Variants in TRPM3 observed in about 807,000 individuals in gnomAD.
TRPM3 encodes long transient receptor potential channel 3.
TRPM3 carries 77 observed loss-of-function variants against 181.2 expected under a neutral mutation model. The observed-to-expected ratio is 0.42, with a 90% CI of 0.35 to 0.51. The LOEUF (loss-of-function observed/expected upper bound fraction) is 0.51, where lower values mean the gene tolerates loss of function less well. Ranked by LOEUF, TRPM3 falls within the 20% of genes least tolerant of loss-of-function variation. The probability of loss-of-function intolerance (pLI) is 0.01; values close to 1 mark genes in which losing one functional copy is unlikely to be tolerated. For synonymous variants in TRPM3, 745 were observed against 796.4 expected (o/e 0.94, Z 1.09); for missense variants, 1,759 against 2,196.7 (o/e 0.80, Z 3.98).
At chr9:70,953,176 A>G (rs950170693) in intron 1 of TRPM3, among the ~76,000 whole-genome samples, 2 of 152,214 alleles carry the variant, frequency 1.3e-5, no homozygotes, top group African/African-American at 2.4e-5. Flanking sequence ...TTCTTTCCCC[A>G]TAGTGGAGAG....
intron 1 of TRPM3, among the ~76,000 whole-genome samples, chr9:71,402,578 T>C (rs1385903745): frequency 6.6e-6 from 1 of 152,224 alleles, no homozygotes; most frequent in African/African-American, 2.4e-5. Flanking sequence ...CTTTCTTTCC[T>C]ACATCACTAA....
intron 1 of TRPM3, among the ~76,000 whole-genome samples, chr9:70,907,246 C>A (rs919543518): frequency 2.0e-4 from 30 of 152,128 alleles, no homozygotes; most frequent in African/African-American, 6.0e-4. Flanking sequence ...ATTAGAGTCA[C>A]CCCATGTGCA....
chr9:71,070,000 A>T (rs2062521716), intron 1 of TRPM3, among the ~76,000 whole-genome samples: 1 of 152,210 alleles, frequency 6.6e-6, no homozygotes, highest in Non-Finnish European at 1.5e-5. Context: ...CCACCAGTCT[A>T]ATACTTTAAT....
chr9:71,299,453 A>G (rs11142793), intron 1 of TRPM3, among the ~76,000 whole-genome samples: 35,641 of 151,516 alleles, frequency 0.24, 4,983 homozygotes, highest in African/African-American at 0.39. Context: ...AGAAAGGAAA[A>G]AGAAAAAATA....
At chr9:70,894,153 A>T (rs2096250486) in intron 1 of TRPM3, among the ~76,000 whole-genome samples, 1 of 152,230 alleles carries the variant, frequency 6.6e-6, no homozygotes, top group African/African-American at 2.4e-5. Context: ...TTGTTGAGCT[A>T]CAAAGATGCA....
intron 1 of TRPM3, among the ~76,000 whole-genome samples, chr9:71,210,500 G>C (rs936928941): frequency 6.6e-6 from 1 of 152,140 alleles, no homozygotes; most frequent in African/African-American, 2.4e-5. Context: ...AAAGGTCAAG[G>C]ATCACTGCCC....
intron 22 of TRPM3, among the ~76,000 whole-genome samples, chr9:70,582,028 A>C (rs1269233074): frequency 6.6e-6 from 1 of 151,222 alleles, no homozygotes; most frequent in Non-Finnish European, 1.5e-5. Flanking sequence ...CTGCACATAT[A>C]CTACAATCAT....
chr9:70,980,922 A>C (rs1651570092), intron 1 of TRPM3, among the ~76,000 whole-genome samples: 1 of 152,182 alleles, frequency 6.6e-6, no homozygotes, highest in African/African-American at 2.4e-5. Context: ...GGACCTGAAA[A>C]GTGTATTATA....
rs7021740 is a variant in TRPM3, at chr9:71,048,392, C to A, written c.177+72786G>T. Among the ~76,000 whole-genome samples the A allele has an allele frequency of 9.1e-3, 1,392 of 152,272 alleles. 20 individuals are homozygous for A. Among genetic ancestry groups the A allele is most frequent in the African/African-American group, 0.03 (1,247 of 41,566 alleles). ...TAATCTACACTGCCCAGCAGGTAGC[C>A]TTTCACTAAGCTACAGGCTGAATGG... On this transcript the variant is annotated intron_variant, in intron 1 of 25. Coordinates refer to ENST00000677713, the MANE Select transcript of TRPM3 (RefSeq NM_001366145.2).
intron 1 of TRPM3, among the ~76,000 whole-genome samples, chr9:71,421,696 G>A (rs1367668977): frequency 6.6e-6 from 1 of 151,958 alleles, no homozygotes; most frequent in African/African-American, 2.4e-5. Flanking sequence ...ATATACCTAG[G>A]CCATAAGGTA....
intron 8 of TRPM3, among the ~76,000 whole-genome samples, chr9:70,689,521 T>TA (rs11394146): frequency 0.64 from 94,490 of 147,402 alleles, 30,339 homozygotes; most frequent in African/African-American, 0.72. Context: ...TAAATTACTT[T>TA]AAAAAAAAAA....
intron 1 of TRPM3, among the ~76,000 whole-genome samples, chr9:71,067,241 G>T (rs2062047511): frequency 6.6e-6 from 1 of 151,958 alleles, no homozygotes; most frequent in African/African-American, 2.4e-5. Flanking sequence ...TTTTTAACTA[G>T]CAAGGCAGCA....
chr9:71,096,596 T>A (rs199927478), intron 1 of TRPM3, among the ~76,000 whole-genome samples: 19,685 of 118,014 alleles, frequency 0.17, 1,482 homozygotes, highest in Non-Finnish European at 0.22. Context: ...ACACACTCTC[T>A]CTCTCTCTCT....
Position 70,535,515 on chromosome 9 carries a change from T to C in TRPM3, c.*438A>G. 3 of 1,549,854 alleles carry C rather than the reference T, an allele frequency of 1.9e-6. No individual in the cohort carries two copies. The highest frequency in any genetic ancestry group is 2.4e-5 in the East Asian group (1 of 40,924). On this transcript the variant is annotated 3_prime_UTR_variant, in exon 26 of 26. Transcript: ENST00000677713. Reference sequence around the variant, plus strand: ...AAACAGAATGGAAGTTTAGAATATCTCATTGTGTACGCTGGCTATTTTATT... The same window carrying C: ...AAACAGAATGGAAGTTTAGAATATCCCATTGTGTACGCTGGCTATTTTATT...
intron 1 of TRPM3, among the ~76,000 whole-genome samples, chr9:71,018,466 C>A (rs1039383913): frequency 1.3e-5 from 2 of 151,552 alleles, no homozygotes; most frequent in East Asian, 3.9e-4. Context: ...AAAAACCAAT[C>A]TTGTAAATGT....
intron 1 of TRPM3, among the ~76,000 whole-genome samples, chr9:71,040,084 C>G (rs2058658127): frequency 6.6e-6 from 1 of 152,118 alleles, no homozygotes; most frequent in South Asian, 2.1e-4. Context: ...AGTCCCTATG[C>G]AGGGAAAAGA....
chr9:70,835,138 A>T (rs2094222962), intron 5 of TRPM3, among the ~76,000 whole-genome samples: 1 of 152,022 alleles, frequency 6.6e-6, no homozygotes. Flanking sequence ...CTTCTGCCAT[A>T]AGTGGAAGCT....
chr9:71,418,045 A>ATT (rs35175360), intron 1 of TRPM3, among the ~76,000 whole-genome samples: 4 of 151,552 alleles, frequency 2.6e-5, no homozygotes, highest in East Asian at 1.9e-4. Flanking sequence ...ATTGAAAATC[A>ATT]TTTTTTTAAA....
At chr9:71,215,139 G>A (rs553215665) in intron 1 of TRPM3, among the ~76,000 whole-genome samples, 1 of 150,882 alleles carries the variant, frequency 6.6e-6, no homozygotes, top group African/African-American at 2.4e-5. Context: ...CTGACAGAAA[G>A]TAATAGTTCA....
Sources: allele counts gnomAD v4.1 joint callset (sites outside exome capture counted in the v4.1 genomes callset), GRCh38; gene constraint gnomAD v4.1.1; transcripts MANE v1.5; gene names NCBI Gene and HGNC (gene_info 2026-07-23, HGNC 2026-07-21).